TP53BP1: variants seen among roughly 807,000 people sequenced by gnomAD.
TP53BP1 encodes TP53-binding protein 1.
TP53BP1 carries 61 observed loss-of-function variants against 200.8 expected under a neutral mutation model. The ratio of observed to expected loss-of-function variants is 0.30; its 90% CI spans 0.25 to 0.38. The LOEUF (loss-of-function observed/expected upper bound fraction) is 0.38, where lower values mean the gene tolerates loss of function less well. Among genes scored for constraint, TP53BP1 ranks in the 10% least tolerant of loss-of-function variants. The pLI is 1.00. For missense variants in TP53BP1, 2,144 were observed against 2,371.9 expected (o/e 0.90, Z 2.00); for synonymous variants, 822 against 844.3 (o/e 0.97, Z 0.46).
chr15:43,447,774 G>A (rs1016684651), intron 12 of TP53BP1, among the ~76,000 whole-genome samples: 4 of 152,084 alleles, frequency 2.6e-5, no homozygotes, highest in African/African-American at 9.7e-5. Context: ...TGAGGAACCT[G>A]GAGTCAAATG....
rs769677705 is a variant in TP53BP1, at chr15:43,405,189, T to C, written c.*2194A>G. The C allele has an allele frequency of 9.3e-6, 15 of 1,614,168 alleles. No individual in the cohort carries two copies. In the Admixed American group the frequency reaches 2.5e-4, roughly 27 times the overall value. On this transcript the variant is annotated 3_prime_UTR_variant, in exon 28 of 28. Coordinates refer to ENST00000382044, the MANE Select transcript of TP53BP1 (RefSeq NM_001141980.3). The stretch of plus-strand genomic sequence containing the variant: ...AGCATGACACTTAATAAGGCTCTTT[T>C]TCTCTTTTGTAGTTTCGGGATGTGA...
At chr15:43,482,924 T>G (rs1281119762) in intron 4 of TP53BP1, among the ~76,000 whole-genome samples, 1 of 152,074 alleles carries the variant, frequency 6.6e-6, no homozygotes, top group Non-Finnish European at 1.5e-5. Flanking sequence ...AAAAAGAGTC[T>G]GTCTCCAAAA....
chr15:43,420,436 G>T lies in TP53BP1; in HGVS notation c.4550C>A (p.Ala1517Asp). The change falls in exon 21 of 28, where the codon GCT becomes GAT. Residue 1517 changes from alanine to aspartate, a missense_variant. Ala to Asp is a moderately radical substitution (Grantham distance 126). Transcript: ENST00000382044. ...ATCAAAGAGCAATTTATACTTCCCA[G>T]CTCCGACATCTCGTGTGATTTTCCC... ...YSGKITRDVG[A>D]GKYKLLFDDG... 1 of 1,614,120 alleles carries T rather than the reference G, an allele frequency of 6.2e-7. No individual in the cohort carries two copies. The highest frequency in any genetic ancestry group is 8.5e-7 in the Non-Finnish European group (1 of 1,180,026).
At chr15:43,490,425 G>C (rs568257190) in intron 4 of TP53BP1, among the ~76,000 whole-genome samples, 1 of 151,272 alleles carries the variant, frequency 6.6e-6, no homozygotes, top group Non-Finnish European at 1.5e-5. Flanking sequence ...GGTCTCACTA[G>C]GTTGCCCAGG....
chr15:43,428,510 T>G (rs2045601222), intron 17 of TP53BP1, among the ~76,000 whole-genome samples: 1 of 152,262 alleles, frequency 6.6e-6, no homozygotes, highest in African/African-American at 2.4e-5. Context: ...ATTCTGATGC[T>G]ATCTTGCAAA....
At chr15:43,469,040 G>A (rs1311525374) in intron 11 of TP53BP1, among the ~76,000 whole-genome samples, 1 of 151,996 alleles carries the variant, frequency 6.6e-6, no homozygotes, top group Non-Finnish European at 1.5e-5. Context: ...TATAACACCT[G>A]CAAACTGAAA....
chr15:43,446,937 T>C, intron 13 of TP53BP1: 2 of 607,122 alleles, frequency 3.3e-6, no homozygotes, highest in Non-Finnish European at 5.9e-6. Flanking sequence ...AATAGGTTAA[T>C]GTAGAAGACT....
intron 11 of TP53BP1, among the ~76,000 whole-genome samples, chr15:43,469,555 C>T (rs2046672112): frequency 6.6e-6 from 1 of 151,882 alleles, no homozygotes; most frequent in Admixed American, 6.6e-5. Flanking sequence ...ACAAAAATTA[C>T]AGTAACAGTT....
At chr15:43,416,739 T>G (rs747361317) in intron 21 of TP53BP1, 6 of 214,160 alleles carry the variant, frequency 2.8e-5, no homozygotes, top group Non-Finnish European at 5.5e-5. Context: ...TGTGGTTTCC[T>G]AACAATTCCA....
chr15:43,435,634 T>C (rs1233575772), intron 16 of TP53BP1, among the ~76,000 whole-genome samples: 1 of 152,202 alleles, frequency 6.6e-6, no homozygotes, highest in Non-Finnish European at 1.5e-5. Context: ...CTGACATATT[T>C]ATTTTAAATA....
In TP53BP1 at chr15:43,441,689, AAAAG is replaced by A. The variant is rs2143002433; in HGVS notation, c.3041-110_3041-107del. ...CTACTAGTATTTGCAAAAAATAACA[AAAAG>A]AAATAAAAATAAGTAAAACTAGTAA... is the stretch of plus-strand genomic sequence containing the variant. On this transcript the variant is annotated intron_variant, in intron 14 of 27. Coordinates refer to ENST00000382044, the MANE Select transcript of TP53BP1 (RefSeq NM_001141980.3). The A allele has an allele frequency of 4.3e-6, 3 of 696,594 alleles. No homozygotes were observed. In the Admixed American group the frequency reaches 7.1e-5, roughly 16 times the overall value. 43.2% of individuals were successfully genotyped at this position (696,594 alleles called of 1,614,324 possible).
intron 12 of TP53BP1, among the ~76,000 whole-genome samples, chr15:43,449,267 GTAGCCCCTTA>G (rs2046113074): frequency 6.6e-6 from 1 of 152,180 alleles, no homozygotes; most frequent in Admixed American, 6.5e-5. Flanking sequence ...TCATTCTGTG[GTAGCCCCTTA>G]TAAAGCAAGT....
chr15:43,478,041 G>C (rs2078910252), intron 7 of TP53BP1, among the ~76,000 whole-genome samples: 1 of 152,100 alleles, frequency 6.6e-6, no homozygotes, highest in South Asian at 2.1e-4. Context: ...GAGTAACTTG[G>C]GGAATTTTTG....
At chr15:43,410,649 C>T (rs2045086861) in intron 24 of TP53BP1, among the ~76,000 whole-genome samples, 1 of 151,932 alleles carries the variant, frequency 6.6e-6, no homozygotes, top group Non-Finnish European at 1.5e-5. Context: ...ATTTTTATCA[C>T]AAATTTTAAA....
chr15:43,488,749 C>G (rs1395711065), intron 4 of TP53BP1, among the ~76,000 whole-genome samples: 5 of 152,104 alleles, frequency 3.3e-5, no homozygotes, highest in African/African-American at 1.2e-4. Flanking sequence ...CAAACATTAG[C>G]CAGCAGTGGT....
In TP53BP1 at chr15:43,404,707, T is replaced by C. The variant is rs1017318531; in HGVS notation, c.*2676A>G. The C allele has an allele frequency of 2.5e-6, 2 of 792,932 alleles. No homozygotes were observed. Among genetic ancestry groups the C allele is most frequent in the Middle Eastern group, 3.7e-4 (1 of 2,698 alleles). 49.1% of individuals were successfully genotyped at this position (792,932 alleles called of 1,614,324 possible). A position where few individuals can be genotyped will look rare whatever the true frequency, so the allele number is the denominator to read the frequency against. Reference sequence around the variant, plus strand: ...GTGTGACCATCTTTAATAATTTTAATGGAGGTTATTTTCTAGTAGAAGTCA... The same window carrying C: ...GTGTGACCATCTTTAATAATTTTAACGGAGGTTATTTTCTAGTAGAAGTCA... On this transcript the variant is annotated 3_prime_UTR_variant, in exon 28 of 28. Transcript: ENST00000382044.
At chr15:43,475,168 CA>C (rs1314526984) in intron 9 of TP53BP1, among the ~76,000 whole-genome samples, 1 of 151,740 alleles carries the variant, frequency 6.6e-6, no homozygotes, top group Non-Finnish European at 1.5e-5. Context: ...TAAAACTAAA[CA>C]AAAAAAACCA....
chr15:43,413,965 C>A (rs1260467313), intron 23 of TP53BP1: 2 of 368,580 alleles, frequency 5.4e-6, no homozygotes, highest in African/African-American at 4.3e-5. Context: ...GTTTTCAACA[C>A]CTGGGTAAGT....
intron 17 of TP53BP1, among the ~76,000 whole-genome samples, chr15:43,431,262 A>T (rs2045662316): frequency 6.6e-6 from 1 of 152,172 alleles, no homozygotes; most frequent in Non-Finnish European, 1.5e-5. Context: ...AAAACCACCA[A>T]GAAAAAGAAA....
Sources: gnomAD v4.1 joint callset for allele counts (sites outside exome capture counted in the v4.1 genomes callset) on GRCh38, gnomAD v4.1.1 for gene constraint, MANE v1.5 for transcripts, NCBI Gene and HGNC (gene_info 2026-07-23, HGNC 2026-07-21) for gene names.